Variants in ERICH2 observed in about 807,000 individuals in gnomAD.
ERICH2 encodes the protein glutamate rich 2.
ERICH2 carries 17 observed loss-of-function variants against 17.4 expected under a neutral mutation model. The observed-to-expected ratio is 0.98, with a 90% CI of 0.67 to 1.47. The LOEUF is 1.47. Ranked by LOEUF, ERICH2 falls within the 40% of genes most tolerant of loss-of-function variation. The pLI is 0.00. For missense variants in ERICH2, 186 were observed against 183.2 expected (o/e 1.01, Z -0.09); for synonymous variants, 51 against 61.1 (o/e 0.83, Z 0.77).
chr2:170,781,819 T>C (rs984701149), upstream of ERICH2, among the ~76,000 whole-genome samples: 3 of 101,778 alleles, frequency 2.9e-5, no homozygotes, highest in Non-Finnish European at 7.5e-5. Context: ...AAAAAGGCTA[T>C]TTTATATTAT....
chr2:170,775,503 T>C, the ERICH2 span: 4 of 152,138 alleles, frequency 2.6e-5, no homozygotes, highest in African/African-American at 9.7e-5. Context: ...ACCCAGGGGA[T>C]TGTGGAACTC....
chr2:170,784,831 GAAGT>G lies in ERICH2; in HGVS notation c.216+3_216+6del. The G allele has an allele frequency of 1.4e-6, 2 of 1,456,594 alleles. No homozygotes were observed. Among genetic ancestry groups the G allele is most frequent in the Non-Finnish European group, 9.1e-7 (1 of 1,103,942 alleles). 90.2% of individuals were successfully genotyped at this position (1,456,594 alleles called of 1,614,324 possible). A position where few individuals can be genotyped will look rare whatever the true frequency, so the allele number is the denominator to read the frequency against. On this transcript the variant is annotated splice_donor_variant and coding_sequence_variant, in exon 2 of 5. Transcript: ENST00000409885. LOFTEE classifies it high-confidence loss of function. ...TCAGGCCCCACTAGAGTTAATGGCA[GAAGT>G]AAGTTTTACTTGTGCATATAATTGA...
chr2:170,777,643 G>C, the ERICH2 span: 1 of 1,233,336 alleles, frequency 8.1e-7, no homozygotes. Flanking sequence ...TTCTCTTTCA[G>C]AAAAAGTGAT....
At chr2:170,784,612 CT>C in intron 1 of ERICH2, 33 bp from the exon 7 acceptor site, 2 of 1,331,280 alleles carry the variant, frequency 1.5e-6, no homozygotes, top group Non-Finnish European at 2.0e-6. Flanking sequence ...ACTTTTCGAT[CT>C]CTTTTGATTA....
intron 4 of ERICH2, 129 bp from the exon 10 acceptor site, chr2:170,798,641 G>T: frequency 9.0e-7 from 1 of 1,114,706 alleles, no homozygotes; most frequent in Non-Finnish European, 1.3e-6. Context: ...AGTGCAGTTA[G>T]CCAAGTCCAA....
intron 2 of ERICH2, among the ~76,000 whole-genome samples, chr2:170,791,390 G>A (rs567341421): frequency 6.6e-6 from 1 of 152,216 alleles, no homozygotes; most frequent in African/African-American, 2.4e-5. Flanking sequence ...TCAGAGAAGT[G>A]TCAGGTAGTA....
intron 2 of ERICH2, among the ~76,000 whole-genome samples, chr2:170,790,984 A>G (rs916467298): frequency 2.0e-5 from 3 of 152,154 alleles, no homozygotes; most frequent in African/African-American, 4.8e-5. Context: ...TAAAATAAAC[A>G]TAAAACAAGA....
At chr2:170,772,426 TTAACTC>T in the ERICH2 span, among the ~76,000 whole-genome samples, 1 of 152,172 alleles carries the variant, frequency 6.6e-6, no homozygotes, top group Non-Finnish European at 1.5e-5. Context: ...CCTTTGCAAT[TTAACTC>T]TATAAGGTAG....
chr2:170,775,181 C>T, the ERICH2 span, among the ~76,000 whole-genome samples: 1 of 151,826 alleles, frequency 6.6e-6, no homozygotes, highest in Non-Finnish European at 1.5e-5. Flanking sequence ...AATCCCAGCA[C>T]TTTGGGAGGC....
the ERICH2 span, among the ~76,000 whole-genome samples, chr2:170,771,762 T>C: frequency 1.3e-5 from 2 of 152,272 alleles, no homozygotes; most frequent in South Asian, 2.1e-4. This position sits in a 1 kb window ranked among gnomAD's most constrained non-coding sequence, Gnocchi z 4.8. Flanking sequence ...TGAAATTGAC[T>C]TGAAACTTCC....
chr2:170,776,370 T>A, the ERICH2 span, among the ~76,000 whole-genome samples: 1 of 152,124 alleles, frequency 6.6e-6, no homozygotes, highest in Non-Finnish European at 1.5e-5. Context: ...CTAAAAGGTG[T>A]TTTGTTGTTG....
the ERICH2 span, among the ~76,000 whole-genome samples, chr2:170,773,627 C>G: frequency 6.6e-6 from 1 of 152,194 alleles, no homozygotes; most frequent in South Asian, 2.1e-4. Flanking sequence ...AGATTCTGAA[C>G]TTCTCAAAGT....
intron 2 of ERICH2, 139 bp from the exon 8 acceptor site, chr2:170,792,724 A>C (rs1701318447): frequency 1.8e-6 from 1 of 560,668 alleles, no homozygotes; most frequent in African/African-American, 1.9e-5. Context: ...TTGATTCACT[A>C]TTCATTATAG....
chr2:170,782,528 G>A, upstream of ERICH2: 1 of 196,868 alleles, frequency 5.1e-6, no homozygotes, highest in Non-Finnish European at 9.2e-6. Context: ...TCATGTTGTA[G>A]GTGATTCTTA....
At chr2:170,776,805 G>A in the ERICH2 span, among the ~76,000 whole-genome samples, 9 of 151,170 alleles carry the variant, frequency 6.0e-5, no homozygotes. Flanking sequence ...TTGGGGGTAC[G>A]TGTGAAGGTT....
At chr2:170,791,947 T>A (rs1701301186) in intron 2 of ERICH2, among the ~76,000 whole-genome samples, 1 of 152,168 alleles carries the variant, frequency 6.6e-6, no homozygotes, top group Non-Finnish European at 1.5e-5. Context: ...ACTATATGCC[T>A]CTGTCTCTTA....
At chr2:170,782,918 C>G (rs984204514), upstream of ERICH2, among the ~76,000 whole-genome samples, 1 of 152,030 alleles carries the variant, frequency 6.6e-6, no homozygotes, top group Non-Finnish European at 1.5e-5. Context: ...AAGACCCCAT[C>G]TTTGAAAAAA....
At chr2:170,774,127 T>G in the ERICH2 span, among the ~76,000 whole-genome samples, 1 of 152,226 alleles carries the variant, frequency 6.6e-6, no homozygotes, top group African/African-American at 2.4e-5. Flanking sequence ...AACACCTTTA[T>G]CTGTGTTCTA....
At chr2:170,784,356 C>T (rs571322829) in intron 1 of ERICH2, among the ~76,000 whole-genome samples, 125 of 152,208 alleles carry the variant, frequency 8.2e-4, no homozygotes, top group Non-Finnish European at 1.5e-3. Context: ...TAGGGCCAGA[C>T]CGACTCACAG....
Sources: allele counts gnomAD v4.1 joint callset (sites outside exome capture counted in the v4.1 genomes callset), GRCh38; gene constraint gnomAD v4.1.1; non-coding constraint Gnocchi (gnomAD v3.1); transcripts MANE v1.5; gene names NCBI Gene and HGNC (gene_info 2026-07-23, HGNC 2026-07-21).